Variants in NRG3 observed in about 807,000 individuals in gnomAD.
The protein encoded by NRG3 is neuregulin 3.
In NRG3, 31 loss-of-function variants were observed where a neutral mutation model predicts 66.9. The observed-to-expected ratio is 0.46, with a 90% CI of 0.35 to 0.63. NRG3 has a LOEUF of 0.63. NRG3 is among the 20% of genes least tolerant of loss of function. The probability of loss-of-function intolerance (pLI) is 0.00; values close to 1 mark genes in which losing one functional copy is unlikely to be tolerated. For missense variants in NRG3, 910 were observed against 878.9 expected, an observed-to-expected ratio of 1.04 and a Z score of -0.45; for synonymous variants, 393 against 359.4, an observed-to-expected ratio of 1.09 and a Z score of -1.06.
intron 1 of NRG3, among the ~76,000 whole-genome samples, chr10:82,354,630 G>A (rs1002163701): frequency 2.6e-5 from 4 of 152,128 alleles, no homozygotes; most frequent in African/African-American, 9.7e-5. Context: ...GATCTCAGGT[G>A]ATCCACCCAT....
chr10:82,737,571 C>T (rs946562351), intron 2 of NRG3, among the ~76,000 whole-genome samples: 17 of 152,154 alleles, frequency 1.1e-4, no homozygotes, highest in Non-Finnish European at 1.2e-4. Context: ...ATTTCCTCCT[C>T]TTAAGTAGGA....
intron 1 of NRG3, among the ~76,000 whole-genome samples, chr10:81,889,972 G>A (rs1348573297): frequency 6.6e-6 from 1 of 152,132 alleles, no homozygotes; most frequent in Non-Finnish European, 1.5e-5. Context: ...ATTGTGAGAG[G>A]CTCTGAGTAA....
At chr10:82,528,614 G>A (rs1259883106) in intron 2 of NRG3, among the ~76,000 whole-genome samples, 1 of 152,114 alleles carries the variant, frequency 6.6e-6, no homozygotes, top group East Asian at 1.9e-4. Context: ...TGCTGTCTCG[G>A]AGACAGAGTT....
intron 1 of NRG3, among the ~76,000 whole-genome samples, chr10:82,185,081 G>A (rs2073714163): frequency 6.6e-6 from 1 of 152,102 alleles, no homozygotes; most frequent in Non-Finnish European, 1.5e-5. Flanking sequence ...AGAGGCTGGA[G>A]ACAGAGTTTG....
chr10:82,901,750 G>A (rs189995411), intron 4 of NRG3, among the ~76,000 whole-genome samples: 8 of 152,298 alleles, frequency 5.3e-5, no homozygotes, highest in Admixed American at 3.9e-4. Flanking sequence ...TGTGAAAGTC[G>A]TTTTATAATT....
intron 3 of NRG3, among the ~76,000 whole-genome samples, chr10:82,823,068 G>C (rs1346879743): frequency 1.3e-5 from 2 of 152,002 alleles, no homozygotes; most frequent in Non-Finnish European, 2.9e-5. Context: ...GATCATCTGG[G>C]TATTCATTTG....
At chr10:82,066,323 T>C (rs1432924028) in intron 1 of NRG3, among the ~76,000 whole-genome samples, 1 of 152,248 alleles carries the variant, frequency 6.6e-6, no homozygotes, top group Admixed American at 6.5e-5. Context: ...ATGTATTATA[T>C]ATGCATAAAT....
chr10:81,925,622 A>G (rs1228019578), intron 1 of NRG3, among the ~76,000 whole-genome samples: 3 of 152,192 alleles, frequency 2.0e-5, no homozygotes, highest in African/African-American at 7.2e-5. Context: ...GAGTGATGAA[A>G]AAGTACCTTC....
chr10:82,332,772 C>G (rs571514246), intron 1 of NRG3, among the ~76,000 whole-genome samples: 99 of 152,238 alleles, frequency 6.5e-4, no homozygotes, highest in Non-Finnish European at 1.1e-3. Context: ...ATTTTGGTCT[C>G]AAATGCTTGG....
At chr10:82,972,695 A>G (rs190566938) in intron 6 of NRG3, among the ~76,000 whole-genome samples, 10 of 152,286 alleles carry the variant, frequency 6.6e-5, no homozygotes, top group Non-Finnish European at 5.9e-5. Context: ...TAATTATTGT[A>G]TCTACCTTCT....
At position 82,985,720 on chromosome 10, in the gene NRG3, T is replaced by C. The variant is rs185443239; in HGVS notation, c.*115T>C. On this transcript the variant is annotated 3_prime_UTR_variant, in exon 9 of 9. Coordinates refer to ENST00000372141, the MANE Select transcript of NRG3 (RefSeq NM_001010848.4). ...GAGCATCTACTTAGAAGAAACCAAA[T>C]AGTCTATCGCCCTCATATCATAGTG... The C allele has an allele frequency of 2.2e-4, 243 of 1,106,768 alleles. No individual in the cohort carries two copies. The African/African-American group carries it at 3.2e-3, about 15-fold the overall frequency. The allele number at this position is 1,106,768 out of a possible 1,614,324, so 68.6% of individuals were successfully genotyped here.
At position 82,925,554 on chromosome 10, in the gene NRG3, G is replaced by A. The variant is rs118133412; in HGVS notation, c.1055-25915G>A. ...GGCCTTTTCACAGAGGCATGGCCTCGCAGAATAGGGACAAGCATGCTTTAA... is the reference window on the plus strand; with the variant it reads ...GGCCTTTTCACAGAGGCATGGCCTCACAGAATAGGGACAAGCATGCTTTAA... On this transcript the variant is annotated intron_variant, in intron 4 of 8. Coordinates refer to ENST00000372141, the MANE Select transcript of NRG3 (RefSeq NM_001010848.4). Among the ~76,000 whole-genome samples the A allele has an allele frequency of 1.2e-3, 180 of 152,288 alleles. 3 individuals carry two copies. The East Asian group carries it at 0.026, about 22-fold the overall frequency.
intron 3 of NRG3, among the ~76,000 whole-genome samples, chr10:82,821,168 AC>A (rs1054707713): frequency 1.3e-5 from 2 of 152,192 alleles, no homozygotes; most frequent in African/African-American, 2.4e-5. Flanking sequence ...AGCAAAGGCA[AC>A]CTAGAGCCAC....
chr10:82,409,149 C>G (rs2087850962), intron 2 of NRG3, among the ~76,000 whole-genome samples: 1 of 151,986 alleles, frequency 6.6e-6, no homozygotes, highest in African/African-American at 2.4e-5. Flanking sequence ...ATTTTCTGAG[C>G]AAGTTATCAA....
chr10:82,166,859 TA>T (rs750487916), intron 1 of NRG3: 30 of 646,798 alleles, frequency 4.6e-5, no homozygotes, highest in Non-Finnish European at 7.3e-5. Flanking sequence ...TTATCTTCAT[TA>T]CTGAAAGGTA....
In NRG3 at chr10:82,358,746, GACATATTCC is replaced by G. The variant is rs756332932; in HGVS notation, c.835_843del (p.Tyr279_Thr281del). ...CTGTGCTTTCCCTGACAGATACGAC[GACATATTCC>G]ACAGAGCGATCCGAGCACTTCAAAC... is the stretch of plus-strand genomic sequence containing the variant. On this transcript the variant is annotated inframe_deletion, in exon 2 of 9. Transcript: ENST00000372141. The G allele has an allele frequency of 3.1e-6, 5 of 1,613,908 alleles. No individual in the cohort carries two copies. The highest frequency in any genetic ancestry group is 4.2e-6 in the Non-Finnish European group (5 of 1,179,974).
At chr10:82,332,641 G>A (rs551510708) in intron 1 of NRG3, among the ~76,000 whole-genome samples, 11 of 152,108 alleles carry the variant, frequency 7.2e-5, no homozygotes, top group African/African-American at 1.9e-4. Flanking sequence ...TTCCTGTTTC[G>A]TGAATAAATC....
intron 2 of NRG3, among the ~76,000 whole-genome samples, chr10:82,462,354 T>C (rs1204893728): frequency 6.6e-6 from 1 of 151,912 alleles, no homozygotes; most frequent in Non-Finnish European, 1.5e-5. Context: ...CTGCTCTACC[T>C]TTATTTGTTT....
chr10:82,625,397 A>T (rs1373958333), intron 2 of NRG3, among the ~76,000 whole-genome samples: 1 of 152,174 alleles, frequency 6.6e-6, no homozygotes, highest in African/African-American at 2.4e-5. Flanking sequence ...TACTTTTTTT[A>T]GTACCAAGTT....
Sources: allele counts gnomAD v4.1 joint callset (sites outside exome capture counted in the v4.1 genomes callset), GRCh38; gene constraint gnomAD v4.1.1; transcripts MANE v1.5; gene names NCBI Gene and HGNC (gene_info 2026-07-23, HGNC 2026-07-21).